Variants in NPY observed in about 807,000 individuals in gnomAD.
NPY encodes the protein pro-neuropeptide Y.
NPY carries 11 observed loss-of-function variants against 13.2 expected under a neutral mutation model. The observed-to-expected ratio is 0.83, with a 90% CI of 0.52 to 1.38. The LOEUF (loss-of-function observed/expected upper bound fraction) is 1.38. Ranked by LOEUF, NPY falls within the 40% of genes most tolerant of loss-of-function variation. The pLI, the probability that NPY is intolerant of heterozygous loss-of-function variation, is 0.00. For synonymous variants in NPY, 51 were observed against 55.6 expected (o/e 0.92, Z 0.37); for missense variants, 109 against 125.1 (o/e 0.87, Z 0.61).
At chr7:24,291,169 G>A (rs987576298) in intron 3 of NPY, among the ~76,000 whole-genome samples, 2 of 152,108 alleles carry the variant, frequency 1.3e-5, no homozygotes, top group African/African-American at 4.8e-5. Context: ...ACTCCATCAG[G>A]TGCAGTTAGA....
At chr7:24,287,360 TGC>T (rs1276439445) in intron 2 of NPY, among the ~76,000 whole-genome samples, 1 of 152,130 alleles carries the variant, frequency 6.6e-6, no homozygotes, top group Admixed American at 6.5e-5. Context: ...CACTCCTATG[TGC>T]GTTTCTGAAA....
At chr7:24,291,607 A>G in intron 3 of NPY, 56 bp from the exon 4 acceptor site, 1 of 1,607,622 alleles carries the variant, frequency 6.2e-7, no homozygotes, top group Non-Finnish European at 8.5e-7. Flanking sequence ...ACCCTTGCTC[A>G]TACCTCAGGA....
intron 2 of NPY, among the ~76,000 whole-genome samples, chr7:24,288,687 GAAAAAAAAA>G (rs59946765): frequency 1.3e-4 from 12 of 89,032 alleles, no homozygotes; most frequent in Admixed American, 2.7e-4. Flanking sequence ...TGCTACAGGA[GAAAAAAAAA>G]AAAAAAAAAA....
intron 2 of NPY, 116 bp from the exon 3 acceptor site, chr7:24,289,382 AT>A (rs113179092): frequency 0.42 from 243,034 of 581,800 alleles, 52,128 homozygotes; most frequent in Non-Finnish European, 0.45. Flanking sequence ...CTTGTTACAG[AT>A]GAACACCTGA....
intron 1 of NPY, 108 bp downstream of exon 1, chr7:24,284,383 C>G (rs1384308409): frequency 6.6e-6 from 1 of 152,468 alleles, no homozygotes; most frequent in East Asian, 1.9e-4. Flanking sequence ...CTGGGATGAT[C>G]GCGCTCCACT....
chr7:24,285,789 G>A lies in NPY; in HGVS notation c.188+361G>A, dbSNP rs1470255785. 6.6e-6 allele frequency among the ~76,000 whole-genome samples: 1 copy of A among 152,126 alleles called. No homozygotes were observed. Among genetic ancestry groups the A allele is most frequent in the Non-Finnish European group, 1.5e-5 (1 of 68,036 alleles). On this transcript the variant is annotated intron_variant, in intron 2 of 3. Coordinates refer to ENST00000242152, the MANE Select transcript of NPY (RefSeq NM_000905.4). This position sits in a 1 kb window ranked among gnomAD's most constrained non-coding sequence, Gnocchi z 4.9. The stretch of plus-strand genomic sequence containing the variant: ...GTGAAAGGGGCAAGAATGCGCCAGA[G>A]AAATGCTGTAGGGGGAAACGCTAGC...
Position 24,289,515 on chromosome 7 carries a change from A to C in NPY, c.205A>C (p.Ser69Arg), listed in dbSNP as rs1787521610. The change falls in exon 3 of 4, where the codon AGC (serine) becomes CGC (arginine). Residue 69 changes from serine to arginine, a missense_variant. Coordinates refer to ENST00000242152, the MANE Select transcript of NPY (RefSeq NM_000905.4). ...ITRQRYGKRS[S>R]PETLISDLLM... is the part of the protein sequence containing the mutation. ...TTTTTCCAGATATGGAAAACGATCC[A>C]GCCCAGAGACACTGATTTCAGACCT... 1.2e-6 allele frequency: 2 copies of C among 1,608,696 alleles called. No homozygotes were observed. Among genetic ancestry groups the C allele is most frequent in the African/African-American group, 2.7e-5 (2 of 74,540 alleles).
At chr7:24,286,206 T>C (rs1189960452) in intron 2 of NPY, among the ~76,000 whole-genome samples, 1 of 152,220 alleles carries the variant, frequency 6.6e-6, no homozygotes, top group African/African-American at 2.4e-5. Context: ...GTAAACTTTA[T>C]TCTGAACATT....
At chr7:24,290,775 A>AATAATAATAATAATTATTATTATTATT (rs10701264) in intron 3 of NPY, among the ~76,000 whole-genome samples, 2 of 129,638 alleles carry the variant, frequency 1.5e-5, no homozygotes, top group African/African-American at 2.9e-5. Flanking sequence ...TAATAATAAT[A>AATAATAATAATAATTATTATTATTATT]ATTATTATTA....
intron 3 of NPY, among the ~76,000 whole-genome samples, chr7:24,291,373 C>T (rs903767298): frequency 3.9e-5 from 6 of 152,182 alleles, no homozygotes; most frequent in African/African-American, 1.4e-4. Flanking sequence ...TTCAAAAGAT[C>T]GGGGTGTTCT....
chr7:24,284,910 A>G (rs1010985063), intron 1 of NPY: 4 of 416,456 alleles, frequency 9.6e-6, no homozygotes, highest in African/African-American at 8.2e-5. Flanking sequence ...AAAGTGACCC[A>G]GCAGGAAGAA....
In NPY at chr7:24,285,525, C is replaced by T. The variant is rs1787329232; in HGVS notation, c.188+97C>T. 1.5e-6 allele frequency: 2 copies of T among 1,294,204 alleles called. No homozygotes were observed. Among genetic ancestry groups the T allele is most frequent in the Non-Finnish European group, 2.1e-6 (2 of 935,436 alleles). 80.2% of individuals were successfully genotyped at this position (1,294,204 alleles called of 1,614,324 possible). On this transcript the variant is annotated intron_variant, in intron 2 of 3. Coordinates refer to ENST00000242152, the MANE Select transcript of NPY (RefSeq NM_000905.4). The surrounding 1 kb of genome is among the most constrained non-coding windows in gnomAD (Gnocchi z 4.9). ...GAAAGGGATTGTTTCTTTTCCTTCG[C>T]TCTATCCCAGGGCAGGACAGTATCA...
At chr7:24,286,453 T>G (rs1456163351) in intron 2 of NPY, among the ~76,000 whole-genome samples, 1 of 152,222 alleles carries the variant, frequency 6.6e-6, no homozygotes, top group African/African-American at 2.4e-5. Flanking sequence ...TTAACATGTT[T>G]AAATTATATG....
intron 2 of NPY, among the ~76,000 whole-genome samples, chr7:24,287,830 A>T (rs1241086308): frequency 1.3e-5 from 2 of 152,150 alleles, no homozygotes; most frequent in Non-Finnish European, 2.9e-5. Flanking sequence ...GCACATTAAA[A>T]TTATCAGGGG....
Position 24,291,776 on chromosome 7 carries a change from A to T in NPY, c.*89A>T. 7.1e-7 allele frequency: 1 copy of T among 1,413,624 alleles called. No homozygotes were observed. The allele number at this position is 1,413,624 out of a possible 1,614,324, so 87.6% of individuals were successfully genotyped here. A position where few individuals can be genotyped will look rare whatever the true frequency, so the allele number is the denominator to read the frequency against. ...GAGAATCCACCCATCCTACCAATGC[A>T]TGCAGCCACTGTGCTGAATTCTGCA... On this transcript the variant is annotated 3_prime_UTR_variant, in exon 4 of 4. Coordinates refer to ENST00000242152, the MANE Select transcript of NPY (RefSeq NM_000905.4).
At chr7:24,284,890 A>C in intron 1 of NPY, 1 of 365,902 alleles carries the variant, frequency 2.7e-6, no homozygotes, top group Non-Finnish European at 5.1e-6. Flanking sequence ...AGTTTGGGCA[A>C]GAAGGGAGAA....
rs1192594734 is a variant in NPY at position 24,284,209 on chromosome 7, A to C, written c.-67A>C. On this transcript the variant is annotated 5_prime_UTR_variant, in exon 1 of 4. Coordinates refer to ENST00000242152, the MANE Select transcript of NPY (RefSeq NM_000905.4). ...CTCTGCACCCCATCCGCTGGCTCTC[A>C]CCCCTCGGAGACGCTCGCCCGACAG... The C allele has an allele frequency of 6.6e-6, 1 of 152,306 alleles. No homozygotes were observed. The highest frequency in any genetic ancestry group is 6.6e-5 in the Admixed American group (1 of 15,252). 9.4% of individuals were successfully genotyped at this position (152,306 alleles called of 1,614,324 possible).
intron 2 of NPY, among the ~76,000 whole-genome samples, chr7:24,288,767 G>C (rs1443394122): frequency 6.6e-6 from 1 of 151,274 alleles, no homozygotes; most frequent in Middle Eastern, 3.2e-3. Flanking sequence ...TAAAATCACA[G>C]CATTAGGAAA....
intron 3 of NPY, 28 bp from the exon 4 acceptor site, chr7:24,291,635 T>C (rs759136373): frequency 1.9e-6 from 3 of 1,613,856 alleles, no homozygotes; most frequent in East Asian, 4.5e-5. Context: ...CAGCTTTCCT[T>C]ACATGCTTTG....
Sources: gnomAD v4.1 joint callset for allele counts (sites outside exome capture counted in the v4.1 genomes callset) on GRCh38, gnomAD v4.1.1 for gene constraint, Gnocchi (gnomAD v3.1) non-coding constraint, MANE v1.5 for transcripts, NCBI Gene and HGNC (gene_info 2026-07-23, HGNC 2026-07-21) for gene names.